The following SEC14L5 variants were observed in gnomAD, a reference collection of about 807,000 sequenced individuals.
SEC14L5 encodes SEC14-like protein 5.
SEC14L5 carries 96 observed loss-of-function variants against 84.6 expected under a neutral mutation model. That is an observed-to-expected ratio of 1.13 (90% CI 0.96 to 1.34). The LOEUF (loss-of-function observed/expected upper bound fraction) is 1.34. Ranked by LOEUF, SEC14L5 falls within the 40% of genes most tolerant of loss-of-function variation. The probability of loss-of-function intolerance (pLI) is 0.00; values close to 1 mark genes in which losing one functional copy is unlikely to be tolerated. For missense variants in SEC14L5, 1,224 were observed against 942.5 expected (o/e 1.30, Z -3.91); for synonymous variants, 546 against 383.4 (o/e 1.42, Z -4.95).
At position 5,003,492 on chromosome 16, in the gene SEC14L5, G is replaced by A. The variant is rs772593315; in HGVS notation, c.1221G>A (p.Val407=). 5 of 1,613,018 alleles carry A rather than the reference G, an allele frequency of 3.1e-6. No individual in the cohort carries two copies. The Admixed American group carries it at 5.0e-5, about 16-fold the overall frequency. Reference sequence around the variant, plus strand: ...AGGCCCTGCTGCGGATGATTGAGGTGGTTGAGGACAATTACCCAGAGACCC... The same window carrying A: ...AGGCCCTGCTGCGGATGATTGAGGTAGTTGAGGACAATTACCCAGAGACCC... ...GVKALLRMIE[V]VEDNYPETLG... The change falls in exon 11 of 16, where the codon GTG becomes GTA. Residue 407 remains valine (V), a synonymous_variant. Transcript: ENST00000251170.
Position 4,997,043 on chromosome 16 carries a change from A to C in SEC14L5, c.969A>C (p.Ile323=). 1 of 1,605,382 alleles carries C rather than the reference A, an allele frequency of 6.2e-7. No homozygotes were observed. The highest frequency in any genetic ancestry group is 8.5e-7 in the Non-Finnish European group (1 of 1,175,828). ...FYAGGWHYQD[I]DGRPLYILRL... ...CAGGGGGCTGGCATTACCAGGACAT[A>C]GGTGCGTGCCTCCACCCACATCATG... The change falls in exon 8 of 16, where the codon ATA becomes ATC. Residue 323 remains isoleucine, a splice_region_variant and synonymous_variant. Transcript: ENST00000251170.
At chr16:5,003,997 C>G (rs985855528) in intron 11 of SEC14L5, among the ~76,000 whole-genome samples, 1 of 152,260 alleles carries the variant, frequency 6.6e-6, no homozygotes, top group East Asian at 1.9e-4. Context: ...CACATACACC[C>G]ACGCCCACAC....
rs1161452515 is a variant in SEC14L5 at position 5,011,244 on chromosome 16, C to A, written c.1950C>A (p.Tyr650Ter). 3 of 1,613,742 alleles carry A rather than the reference C, an allele frequency of 1.9e-6. No homozygotes were observed. ...SPGPKCKLLY[Y>*]CEVLASEDFR... The stretch of plus-strand genomic sequence containing the variant: ...GGCCCAAGTGCAAACTTCTCTACTA[C>A]TGTGAGGTGCTCGCCTCTGAGGACT... The change falls in exon 15 of 16, where the codon TAC becomes TAA. Residue 650 changes from tyrosine (Y) to a stop codon, truncating the protein, a stop_gained. Coordinates refer to ENST00000251170, the MANE Select transcript of SEC14L5 (RefSeq NM_014692.2). LOFTEE classifies it high-confidence loss of function.
At chr16:5,009,807 T>G (rs1261514794) in intron 14 of SEC14L5, among the ~76,000 whole-genome samples, 1 of 152,100 alleles carries the variant, frequency 6.6e-6, no homozygotes, top group East Asian at 1.9e-4. Flanking sequence ...GGCTTCAGTA[T>G]GGACGAAGAC....
At chr16:4,983,380 C>T (rs999894156) in intron 2 of SEC14L5, among the ~76,000 whole-genome samples, 2 of 150,314 alleles carry the variant, frequency 1.3e-5, no homozygotes, top group African/African-American at 4.9e-5. Flanking sequence ...TACATGGGTA[C>T]ATTTATATAT....
intron 4 of SEC14L5, 90 bp downstream of exon 4, chr16:4,988,370 G>T: frequency 6.7e-7 from 1 of 1,492,902 alleles, no homozygotes. Flanking sequence ...CACATTCCTT[G>T]AGCCTCTGCC....
rs1955880164 is a variant in SEC14L5, at chr16:5,016,886, A to G, written c.*1916A>G. The G allele has an allele frequency of 6.6e-6, 1 of 152,092 alleles. No homozygotes were observed. Among genetic ancestry groups the G allele is most frequent in the African/African-American group, 2.4e-5 (1 of 41,394 alleles). 9.4% of individuals were successfully genotyped at this position (152,092 alleles called of 1,614,324 possible). A position where few individuals can be genotyped will look rare whatever the true frequency, so the allele number is the denominator to read the frequency against. On this transcript the variant is annotated 3_prime_UTR_variant, in exon 16 of 16. Coordinates refer to ENST00000251170, the MANE Select transcript of SEC14L5 (RefSeq NM_014692.2). ...ATCTGAACAAAATAGATTGCTTTGC[A>G]CTCTGCGTCAAGGTGTGTGTGCACA...
Position 4,990,829 on chromosome 16 carries a change from T to C in SEC14L5, c.408T>C (p.Ser136=). The change falls in exon 5 of 16, where the codon TCT becomes TCC. Residue 136 remains serine (S), a synonymous_variant. Transcript: ENST00000251170. ...AGTCTGCCTCACTGGACATTCGGTCTTTCTTTGGCTTTGAAAATGCCTTGG... is the reference window on the plus strand; with the variant it reads ...AGTCTGCCTCACTGGACATTCGGTCCTTCTTTGGCTTTGAAAATGCCTTGG... The part of the protein sequence containing the change: ...FEQSASLDIR[S]FFGFENALEK... 1 of 1,612,178 alleles carries C rather than the reference T, an allele frequency of 6.2e-7. No homozygotes were observed. Among genetic ancestry groups the C allele is most frequent in the Admixed American group, 1.7e-5 (1 of 59,834 alleles).
rs145775362 is a variant in SEC14L5, at chr16:5,012,253, C to T, written c.1979+980C>T. 2.3e-3 allele frequency among the ~76,000 whole-genome samples: 348 copies of T among 152,232 alleles called. 1 individual carries two copies. Among genetic ancestry groups the T allele is most frequent in the African/African-American group, 7.7e-3 (321 of 41,526 alleles). On this transcript the variant is annotated intron_variant, in intron 15 of 15. Transcript: ENST00000251170. ...CGACAGGCTGAGGCCCAGGGGGACA[C>T]AGAGGAATAGACACAGGCATTGGAA... is the stretch of plus-strand genomic sequence containing the variant.
At chr16:5,006,671 A>G (rs1955735374) in intron 12 of SEC14L5, among the ~76,000 whole-genome samples, 1 of 152,224 alleles carries the variant, frequency 6.6e-6, no homozygotes. Context: ...TCTGGATTTT[A>G]AAAAAGTCTT....
chr16:4,993,900 T>C (rs150865055), intron 6 of SEC14L5, among the ~76,000 whole-genome samples: 11 of 151,936 alleles, frequency 7.2e-5, no homozygotes, highest in African/African-American at 2.7e-4. Context: ...CACTTGTTGA[T>C]TAGTGACAAG....
At position 4,996,781 on chromosome 16, in the gene SEC14L5, C is replaced by T. The variant is rs1053776204; in HGVS notation, c.781-74C>T. The T allele has an allele frequency of 2.9e-5, 34 of 1,191,156 alleles. 1 individual carries two copies. Among genetic ancestry groups the T allele is most frequent in the South Asian group, 9.0e-5 (6 of 66,444 alleles). The allele number at this position is 1,191,156 out of a possible 1,614,324, so 73.8% of individuals were successfully genotyped here. A position where few individuals can be genotyped will look rare whatever the true frequency, so the allele number is the denominator to read the frequency against. ...GAGATGGGGTCTCACCATGTTGCCC[C>T]GGCTGGTTCTGTAATTTTATCTGCT... is the stretch of plus-strand genomic sequence containing the variant. On this transcript the variant is annotated intron_variant, in intron 7 of 15. Coordinates refer to ENST00000251170, the MANE Select transcript of SEC14L5 (RefSeq NM_014692.2).
At chr16:4,962,650 T>C (rs1407670468) in intron 2 of SEC14L5, among the ~76,000 whole-genome samples, 1 of 140,734 alleles carries the variant, frequency 7.1e-6, no homozygotes, top group Non-Finnish European at 1.5e-5. Flanking sequence ...ATCGTGCCAT[T>C]GCACTCCAGC....
rs1955511648 is a variant in SEC14L5 at position 4,988,009 on chromosome 16, C to A, written c.214-140C>A. ...GAAGTCGGGGGTTGGTGTCCTGGGT[C>A]CGGGCTGGGTGGGCGGTGGCGCAAG... is the stretch of plus-strand genomic sequence containing the variant. On this transcript the variant is annotated intron_variant, in intron 3 of 15. Coordinates refer to ENST00000251170, the MANE Select transcript of SEC14L5 (RefSeq NM_014692.2). 5 of 915,584 alleles carry A rather than the reference C, an allele frequency of 5.5e-6. No homozygotes were observed. The East Asian group carries it at 7.9e-5, about 14-fold the overall frequency. 56.7% of individuals were successfully genotyped at this position (915,584 alleles called of 1,614,324 possible). A position where few individuals can be genotyped will look rare whatever the true frequency, so the allele number is the denominator to read the frequency against.
chr16:5,003,478 C>G lies in SEC14L5; in HGVS notation c.1207C>G (p.Arg403Gly). 2 of 1,612,798 alleles carry G rather than the reference C, an allele frequency of 1.2e-6. No homozygotes were observed. Among genetic ancestry groups the G allele is most frequent in the Non-Finnish European group, 1.7e-6 (2 of 1,179,302 alleles). The change falls in exon 11 of 16, where the codon CGG becomes GGG. Residue 403 changes from arginine (R) to glycine (G), a missense_variant. Transcript: ENST00000251170. ...LWRPGVKALL[R>G]MIEVVEDNYP... Reference sequence around the variant, plus strand: ...GCGGCCGGGGGTGAAGGCCCTGCTGCGGATGATTGAGGTGGTTGAGGACAA... The same window carrying G: ...GCGGCCGGGGGTGAAGGCCCTGCTGGGGATGATTGAGGTGGTTGAGGACAA...
intron 2 of SEC14L5, 52 bp from the exon 3 acceptor site, chr16:4,987,505 G>GA: frequency 1.4e-6 from 2 of 1,449,880 alleles, no homozygotes; most frequent in Non-Finnish European, 1.8e-6. Context: ...GCTGGGGGGG[G>GA]GGGTCCCTCT....
At chr16:5,013,228 C>T (rs1391410192) in intron 15 of SEC14L5, among the ~76,000 whole-genome samples, 1 of 152,118 alleles carries the variant, frequency 6.6e-6, no homozygotes, top group Non-Finnish European at 1.5e-5. Flanking sequence ...TATCAGCCAC[C>T]CAGCCAGGAG....
chr16:4,995,630 T>C (rs1291360737), intron 6 of SEC14L5, among the ~76,000 whole-genome samples: 1 of 150,372 alleles, frequency 6.7e-6, no homozygotes, highest in African/African-American at 2.5e-5. Flanking sequence ...CTCTCTTTTT[T>C]TTTTTTTTTT....
At chr16:4,966,267 CT>C (rs1019686741) in intron 2 of SEC14L5, among the ~76,000 whole-genome samples, 12,144 of 79,000 alleles carry the variant, frequency 0.15, 530 homozygotes, top group Non-Finnish European at 0.2. Flanking sequence ...CGCCCGGCCT[CT>C]TTTTTTTTTT....
Sources: gnomAD v4.1 joint callset for allele counts (sites outside exome capture counted in the v4.1 genomes callset) on GRCh38, gnomAD v4.1.1 for gene constraint, MANE v1.5 for transcripts, NCBI Gene and HGNC (gene_info 2026-07-23, HGNC 2026-07-21) for gene names.